PARN: variants seen among roughly 807,000 people sequenced by gnomAD.
PARN encodes the protein poly(A)-specific ribonuclease PARN.
In PARN, 71 loss-of-function variants were observed where a neutral mutation model predicts 102.8. The ratio of observed to expected loss-of-function variants is 0.69; its 90% confidence interval spans 0.57 to 0.84. PARN has a LOEUF of 0.84. PARN is among the 40% of genes least tolerant of loss of function. PARN has a pLI of 0.00. For missense variants in PARN, 782 were observed against 760.9 expected (o/e 1.03, Z -0.33); for synonymous variants, 261 against 252.9 (o/e 1.03, Z -0.30).
chr16:14,591,427 G>A (rs1182081503), intron 13 of PARN, among the ~76,000 whole-genome samples: 1 of 151,314 alleles, frequency 6.6e-6, no homozygotes, highest in Non-Finnish European at 1.5e-5. Context: ...ATAAGAAAAA[G>A]ATTAGTCCAG....
At chr16:14,591,023 G>A (rs775796032) in intron 13 of PARN, among the ~76,000 whole-genome samples, 6 of 152,152 alleles carry the variant, frequency 3.9e-5, no homozygotes, top group Non-Finnish European at 7.4e-5. Context: ...GCTGAGGCAG[G>A]AGGACCGCTT....
chr16:14,617,151 A>G (rs1282472623), intron 6 of PARN, among the ~76,000 whole-genome samples: 1 of 151,280 alleles, frequency 6.6e-6, no homozygotes, highest in Non-Finnish European at 1.5e-5. Context: ...TTTGGAGGCC[A>G]AGGTGGGCAG....
intron 20 of PARN, among the ~76,000 whole-genome samples, chr16:14,552,676 C>T (rs747426931): frequency 7.9e-5 from 12 of 152,184 alleles, no homozygotes; most frequent in African/African-American, 2.2e-4. Context: ...AGGCCGGGCG[C>T]GGTGGCTCAC....
intron 21 of PARN, among the ~76,000 whole-genome samples, chr16:14,485,355 C>A (rs1963611369): frequency 6.6e-6 from 1 of 152,218 alleles, no homozygotes; most frequent in Admixed American, 6.5e-5. Flanking sequence ...TATCCAATAA[C>A]CATTGTCCAC....
chr16:14,567,503 T>C (rs995847379), intron 18 of PARN, among the ~76,000 whole-genome samples: 1 of 152,210 alleles, frequency 6.6e-6, no homozygotes, highest in African/African-American at 2.4e-5. Context: ...TCATACCCAT[T>C]TTTGGTAAAA....
At chr16:14,501,312 T>C (rs1407046100) in intron 21 of PARN, among the ~76,000 whole-genome samples, 2 of 144,796 alleles carry the variant, frequency 1.4e-5, no homozygotes, top group African/African-American at 5.0e-5. Flanking sequence ...ATAATAATAA[T>C]AATAATAATA....
intron 21 of PARN, among the ~76,000 whole-genome samples, chr16:14,491,579 C>T (rs150835672): frequency 1.3e-5 from 2 of 152,054 alleles, no homozygotes; most frequent in East Asian, 3.9e-4. Context: ...GCCTGGACAA[C>T]ATAGTGTGAC....
intron 21 of PARN, among the ~76,000 whole-genome samples, chr16:14,529,082 T>G (rs977631574): frequency 2.0e-5 from 3 of 152,274 alleles, no homozygotes; most frequent in Non-Finnish European, 4.4e-5. Flanking sequence ...CCTATAAAAG[T>G]GTCACTTCAC....
intron 14 of PARN, among the ~76,000 whole-genome samples, chr16:14,585,147 T>G (rs1314493932): frequency 1.3e-5 from 2 of 152,166 alleles, no homozygotes; most frequent in African/African-American, 4.8e-5. Flanking sequence ...TCACATGGTT[T>G]TACGTGGTTC....
chr16:14,522,086 A>C (rs1412069211), intron 21 of PARN, among the ~76,000 whole-genome samples: 2 of 152,212 alleles, frequency 1.3e-5, no homozygotes, highest in Non-Finnish European at 2.9e-5. Flanking sequence ...ATGCCTAACA[A>C]CACATTTCTC....
At chr16:14,626,584 T>A (rs1181410844) in intron 5 of PARN, among the ~76,000 whole-genome samples, 1 of 152,108 alleles carries the variant, frequency 6.6e-6, no homozygotes, top group Non-Finnish European at 1.5e-5. Flanking sequence ...TATCTGTCTG[T>A]CTGTCTCTGC....
intron 21 of PARN, among the ~76,000 whole-genome samples, chr16:14,488,903 AAGAAAG>A (rs1172969063): frequency 6.6e-6 from 1 of 152,216 alleles, no homozygotes; most frequent in African/African-American, 2.4e-5. Flanking sequence ...AATAGCTAAA[AAGAAAG>A]AGAAAGAGGG....
chr16:14,483,072 T>C (rs1301970095), intron 21 of PARN, among the ~76,000 whole-genome samples: 1 of 152,248 alleles, frequency 6.6e-6, no homozygotes, highest in Non-Finnish European at 1.5e-5. Flanking sequence ...GAAAGTACTT[T>C]GTAAACTGTA....
Position 14,627,262 on chromosome 16 carries a change from AACCT to A in PARN, c.245+3_245+6del. 6.3e-7 allele frequency: 1 copy of A among 1,592,088 alleles called. No homozygotes were observed. The highest frequency in any genetic ancestry group is 8.6e-7 in the Non-Finnish European group (1 of 1,167,544). ...CGGAATTCCCAACGTTTGTTAACAC[AACCT>A]ACTTTGAATCTGTGTAGTCATACTT... On this transcript the variant is annotated splice_donor_5th_base_variant and intron_variant, in intron 4 of 23. Coordinates refer to ENST00000437198, the MANE Select transcript of PARN (RefSeq NM_002582.4).
chr16:14,627,842 T>A (rs56147222), intron 3 of PARN, among the ~76,000 whole-genome samples: 1 of 151,542 alleles, frequency 6.6e-6, no homozygotes, highest in African/African-American at 2.4e-5. Flanking sequence ...ATGTAAAAAT[T>A]AAAAAAAATA....
At chr16:14,470,256 C>T (rs539992119) in intron 22 of PARN, among the ~76,000 whole-genome samples, 2 of 152,090 alleles carry the variant, frequency 1.3e-5, no homozygotes, top group East Asian at 3.9e-4. Flanking sequence ...GCTTTCAGTG[C>T]TGAGTTCCAA....
intron 21 of PARN, among the ~76,000 whole-genome samples, chr16:14,525,033 T>C (rs991694091): frequency 3.9e-5 from 6 of 152,204 alleles, no homozygotes; most frequent in African/African-American, 1.4e-4. Context: ...CAGAAACAAC[T>C]ACTACTACTA....
At chr16:14,551,406 T>A (rs936590475) in intron 21 of PARN, among the ~76,000 whole-genome samples, 3 of 151,806 alleles carry the variant, frequency 2.0e-5, no homozygotes, top group African/African-American at 7.3e-5. Context: ...CCATCTCTAC[T>A]AAAAATACAA....
At chr16:14,461,133 G>C (rs1363108126) in intron 22 of PARN, among the ~76,000 whole-genome samples, 1 of 152,182 alleles carries the variant, frequency 6.6e-6, no homozygotes. Context: ...ACATTCCATA[G>C]ATTAGCTGGC....
Sources: gnomAD v4.1 joint callset for allele counts (sites outside exome capture counted in the v4.1 genomes callset) on GRCh38, gnomAD v4.1.1 for gene constraint, MANE v1.5 for transcripts, NCBI Gene and HGNC (gene_info 2026-07-23, HGNC 2026-07-21) for gene names.